SLC7A6: variants seen among roughly 807,000 people sequenced by gnomAD.
SLC7A6 encodes the protein solute carrier family 7 member 6, also known as Y+L amino acid transporter 2.
In SLC7A6, 29 loss-of-function variants were observed where a neutral mutation model predicts 46.6. That is an observed-to-expected ratio of 0.62 (90% confidence interval 0.46 to 0.85). The LOEUF (loss-of-function observed/expected upper bound fraction) is 0.85, where lower values mean the gene tolerates loss of function less well. SLC7A6 is among the 40% of genes least tolerant of loss of function. The pLI, the probability that SLC7A6 is intolerant of heterozygous loss-of-function variation, is 0.00. For missense variants in SLC7A6, 527 were observed against 647.6 expected (o/e 0.81, Z 2.02); for synonymous variants, 276 against 257.3 (o/e 1.07, Z -0.70).
In SLC7A6 at chr16:68,284,962, C is replaced by G. The variant is rs909572533; in HGVS notation, c.524-2784C>G. 3.3e-5 allele frequency among the ~76,000 whole-genome samples: 5 copies of G among 150,620 alleles called. No homozygotes were observed. In the Admixed American group the frequency reaches 3.3e-4, roughly 10 times the overall value. On this transcript the variant is annotated intron_variant, in intron 3 of 10. Transcript: ENST00000219343. ...TTACAGTGCACTATAGGCCCGGACT[C>G]CTGGGTTCGGCAGTTCTCCCACCTC... is the stretch of plus-strand genomic sequence containing the variant.
At chr16:68,280,950 G>T (rs1210873317) in intron 3 of SLC7A6, among the ~76,000 whole-genome samples, 6 of 152,160 alleles carry the variant, frequency 3.9e-5, no homozygotes, top group African/African-American at 1.4e-4. Context: ...AGCCAGGATG[G>T]TCTTGATGTC....
In SLC7A6 at chr16:68,274,677, G is replaced by A. The variant is rs769267577; in HGVS notation, c.-36-14G>A. 2 of 1,604,996 alleles carry A rather than the reference G, an allele frequency of 1.2e-6. No homozygotes were observed. The highest frequency in any genetic ancestry group is 1.7e-6 in the Non-Finnish European group (2 of 1,174,066). On this transcript the variant is annotated splice_polypyrimidine_tract_variant and intron_variant, in intron 2 of 10. Coordinates refer to ENST00000219343, the MANE Select transcript of SLC7A6 (RefSeq NM_003983.6). ...GCTCCTGCCCTAGACTGACATACTT[G>A]TATTCTTTGCCAGGCCACAGCAAAC...
Position 68,274,678 on chromosome 16 carries a change from T to A in SLC7A6, c.-36-13T>A. 6.2e-7 allele frequency: 1 copy of A among 1,605,544 alleles called. No homozygotes were observed. Among genetic ancestry groups the A allele is most frequent in the Non-Finnish European group, 8.5e-7 (1 of 1,174,328 alleles). ...CTCCTGCCCTAGACTGACATACTTGTATTCTTTGCCAGGCCACAGCAAACA... is the reference window on the plus strand; with the variant it reads ...CTCCTGCCCTAGACTGACATACTTGAATTCTTTGCCAGGCCACAGCAAACA... On this transcript the variant is annotated splice_polypyrimidine_tract_variant and intron_variant, in intron 2 of 10. Transcript: ENST00000219343.
At chr16:68,289,009 C>T (rs1275889280) in intron 4 of SLC7A6, among the ~76,000 whole-genome samples, 5 of 148,314 alleles carry the variant, frequency 3.4e-5, no homozygotes, top group African/African-American at 7.5e-5. Context: ...TTGGGCTGGG[C>T]GCGGTGGCTC....
At position 68,274,879 on chromosome 16, in the gene SLC7A6, C is replaced by T; in HGVS notation, c.153C>T (p.Val51=). The T allele has an allele frequency of 6.2e-7, 1 of 1,614,216 alleles. No individual in the cohort carries two copies. Among genetic ancestry groups the T allele is most frequent in the Non-Finnish European group, 8.5e-7 (1 of 1,180,038 alleles). ...AGGAGATCTCCCTGCTGAATGGGGT[C>T]AGCCTGGTGGTGGGCAACATGATCG... is the stretch of plus-strand genomic sequence containing the variant. The part of the protein sequence containing the change: ...LKKEISLLNG[V]SLVVGNMIGS... The change falls in exon 3 of 11, where the codon GTC becomes GTT. Residue 51 remains valine, a synonymous_variant. Coordinates refer to ENST00000219343, the MANE Select transcript of SLC7A6 (RefSeq NM_003983.6).
chr16:68,274,557 T>G, intron 2 of SLC7A6, 134 bp from the exon 3 acceptor site: 2 of 695,046 alleles, frequency 2.9e-6, no homozygotes, highest in African/African-American at 1.8e-5. Context: ...TGGTGGGAAC[T>G]GAGACAGGCC....
intron 3 of SLC7A6, among the ~76,000 whole-genome samples, chr16:68,281,012 C>T (rs1226037668): frequency 2.6e-5 from 4 of 152,212 alleles, no homozygotes; most frequent in Admixed American, 6.5e-5. Flanking sequence ...GGATTACAGG[C>T]GTGACCCACG....
At chr16:68,275,277 G>A (rs375389497) in intron 3 of SLC7A6, 28 bp downstream of exon 3, 14 of 1,594,772 alleles carry the variant, frequency 8.8e-6, no homozygotes, top group African/African-American at 6.7e-5. Flanking sequence ...TTGGGAGGAT[G>A]TTGGGGGGTG....
At chr16:68,290,749 GGAGGATAGGGCCTTCCTAGAGGA>G in intron 5 of SLC7A6, 1 of 605,266 alleles carries the variant, frequency 1.7e-6, no homozygotes, top group Non-Finnish European at 2.9e-6. Context: ...CGTTCGCACT[GGAGGATAGGGCCTTCCTAGAGGA>G]GAGGGCCTTC....
chr16:68,271,091 C>A (rs554340324), intron 2 of SLC7A6, among the ~76,000 whole-genome samples: 2 of 152,132 alleles, frequency 1.3e-5, no homozygotes, highest in Admixed American at 1.3e-4. Flanking sequence ...CTCAAGCAAT[C>A]CTCTTGCCTC....
chr16:68,276,119 G>T (rs902353315), intron 3 of SLC7A6, among the ~76,000 whole-genome samples: 2 of 152,154 alleles, frequency 1.3e-5, no homozygotes, highest in African/African-American at 2.4e-5. Flanking sequence ...TGAGCAGCAG[G>T]TACAACAAAA....
intron 7 of SLC7A6, 101 bp downstream of exon 7, chr16:68,291,762 GGTGTGTGTGTGTGTGTGTGTGTGTGT>G (rs10525504): frequency 2.0e-6 from 1 of 508,314 alleles, no homozygotes; most frequent in African/African-American, 2.2e-5. Context: ...GGGCATATAG[GGTGTGTGTGTGTGTGTGTGTGTGTGT>G]GTGTGTGTGT....
chr16:68,279,170 T>TTA (rs1555530939), intron 3 of SLC7A6, among the ~76,000 whole-genome samples: 1 of 144,958 alleles, frequency 6.9e-6, no homozygotes, highest in East Asian at 2.0e-4. Flanking sequence ...ACCCCACCTC[T>TTA]AAAAAAAAAA....
chr16:68,290,315 C>T (rs2043021886), intron 4 of SLC7A6, 81 bp from the exon 5 acceptor site: 4 of 1,458,338 alleles, frequency 2.7e-6, no homozygotes, highest in South Asian at 1.3e-5. Flanking sequence ...GTATCTTTCT[C>T]TTACACCTCC....
chr16:68,268,789 T>C (rs2042577310), intron 2 of SLC7A6, among the ~76,000 whole-genome samples: 1 of 152,186 alleles, frequency 6.6e-6, no homozygotes, highest in African/African-American at 2.4e-5. Context: ...GCGGATCACC[T>C]GAGGTCCCAG....
chr16:68,293,889 G>A (rs1019498756), intron 7 of SLC7A6, among the ~76,000 whole-genome samples: 3 of 152,148 alleles, frequency 2.0e-5, no homozygotes, highest in African/African-American at 7.2e-5. Context: ...GTTCATTTCT[G>A]TGCCAGTCTT....
chr16:68,286,757 G>C (rs979872251), intron 3 of SLC7A6, among the ~76,000 whole-genome samples: 1 of 152,098 alleles, frequency 6.6e-6, no homozygotes, highest in Non-Finnish European at 1.5e-5. Context: ...GGGAGTACTC[G>C]AGTGGGTGCG....
rs897364909 is a variant in SLC7A6 at position 68,299,498 on chromosome 16, A to G, written c.*2170A>G. On this transcript the variant is annotated 3_prime_UTR_variant, in exon 11 of 11. Transcript: ENST00000219343. ...AGCCAGAGGATCCCTACAGCACTCA[A>G]GCTTCATGGTGGAATTAATTTCTGC... The G allele has an allele frequency of 2.0e-5, 3 of 152,612 alleles. No individual in the cohort carries two copies. The highest frequency in any genetic ancestry group is 4.8e-5 in the African/African-American group (2 of 41,438). 9.5% of individuals were successfully genotyped at this position (152,612 alleles called of 1,614,324 possible). A position where few individuals can be genotyped will look rare whatever the true frequency, so the allele number is the denominator to read the frequency against.
intron 7 of SLC7A6, chr16:68,292,750 T>G (rs1471959468): frequency 2.0e-5 from 3 of 152,226 alleles, no homozygotes; most frequent in Non-Finnish European, 4.4e-5. Flanking sequence ...TTCTACTACC[T>G]GAAAAATATT....
Sources: gnomAD v4.1 joint callset for allele counts (sites outside exome capture counted in the v4.1 genomes callset) on GRCh38, gnomAD v4.1.1 for gene constraint, MANE v1.5 for transcripts, NCBI Gene and HGNC (gene_info 2026-07-23, HGNC 2026-07-21) for gene names.